DCC: variants seen among roughly 807,000 people sequenced by gnomAD.
DCC encodes netrin receptor DCC.
In DCC, 58 loss-of-function variants were observed where a neutral mutation model predicts 172.5. The observed-to-expected ratio is 0.34, with a 90% CI of 0.27 to 0.42. The LOEUF is 0.42. DCC is among the 10% of genes least tolerant of loss of function. The pLI is 1.00. For synonymous variants in DCC, 709 were observed against 644.5 expected (o/e 1.10, Z -1.52); for missense variants, 1,740 against 1,791.0 (o/e 0.97, Z 0.51).
At chr18:53,217,697 A>C (rs4245258) in intron 12 of DCC, among the ~76,000 whole-genome samples, 131,742 of 152,102 alleles carry the variant, frequency 0.87, 57,272 homozygotes, top group Admixed American at 0.92. Flanking sequence ...TTTGTGTTTT[A>C]TTTGAAATAG....
intron 1 of DCC, among the ~76,000 whole-genome samples, chr18:52,504,280 T>A (rs1433242980): frequency 1.3e-5 from 2 of 152,160 alleles, no homozygotes; most frequent in Non-Finnish European, 2.9e-5. Flanking sequence ...GTTCTACTTT[T>A]AGCATCATGG....
At chr18:52,949,264 C>T (rs182348055) in intron 5 of DCC, among the ~76,000 whole-genome samples, 166 of 151,490 alleles carry the variant, frequency 1.1e-3, no homozygotes, top group African/African-American at 3.7e-3. Flanking sequence ...CTCACATAAG[C>T]CTAGAAGAGT....
chr18:52,933,930 A>C (rs2040345788), intron 5 of DCC, among the ~76,000 whole-genome samples: 1 of 152,048 alleles, frequency 6.6e-6, no homozygotes, highest in South Asian at 2.1e-4. Flanking sequence ...TGAAAAGTAG[A>C]GGAGAGAGAT....
chr18:53,013,062 C>T (rs765025232), intron 5 of DCC, among the ~76,000 whole-genome samples: 22 of 152,216 alleles, frequency 1.4e-4, no homozygotes, highest in Middle Eastern at 3.4e-3. Context: ...ATTAAAAAGT[C>T]TGTAAATAAC....
intron 2 of DCC, among the ~76,000 whole-genome samples, chr18:52,807,271 C>A (rs59605492): frequency 6.6e-6 from 1 of 152,154 alleles, no homozygotes; most frequent in East Asian, 1.9e-4. Context: ...AGACGCACTG[C>A]GCCTCCTGCC....
intron 3 of DCC, among the ~76,000 whole-genome samples, chr18:52,907,632 TCTCAAA>T (rs776286621): frequency 4.7e-4 from 71 of 152,078 alleles, no homozygotes; most frequent in Non-Finnish European, 8.8e-4. Flanking sequence ...CCCAGGCTGG[TCTCAAA>T]CTCCTGGGCT....
intron 13 of DCC, among the ~76,000 whole-genome samples, chr18:53,318,968 A>G (rs903970493): frequency 2.0e-5 from 3 of 152,160 alleles, no homozygotes; most frequent in Non-Finnish European, 1.5e-5. Context: ...CAACATTCTT[A>G]AGGAAAAGAA....
intron 8 of DCC, among the ~76,000 whole-genome samples, chr18:53,174,410 C>A (rs1307722471): frequency 1.3e-5 from 2 of 151,152 alleles, no homozygotes; most frequent in Non-Finnish European, 2.9e-5. Flanking sequence ...AAGGATCAAC[C>A]AAACTGATAG....
intron 2 of DCC, among the ~76,000 whole-genome samples, chr18:52,806,640 T>C (rs937734312): frequency 1.3e-5 from 2 of 152,158 alleles, no homozygotes; most frequent in African/African-American, 4.8e-5. Context: ...AGAGGAATAT[T>C]TGTCTTTTCT....
At chr18:52,705,292 C>T (rs929201091) in intron 1 of DCC, among the ~76,000 whole-genome samples, 6 of 152,102 alleles carry the variant, frequency 3.9e-5, no homozygotes, top group African/African-American at 1.4e-4. Context: ...AAGGTGGCAG[C>T]AACCCCAAAA....
Position 53,207,837 on chromosome 18 carries a change from A to G in DCC, c.1861+20A>G. ...CTGACGGTAAGTTAAAAACAGTGAAACTCCTTTTACATATTTGACATAATA... is the reference window on the plus strand; with the variant it reads ...CTGACGGTAAGTTAAAAACAGTGAAGCTCCTTTTACATATTTGACATAATA... On this transcript the variant is annotated intron_variant, in intron 11 of 28. Transcript: ENST00000442544. The G allele has an allele frequency of 6.3e-7, 1 of 1,584,782 alleles. No individual in the cohort carries two copies. The highest frequency in any genetic ancestry group is 2.2e-5 in the East Asian group (1 of 44,728).
chr18:52,833,218 C>T (rs12604857), intron 2 of DCC, among the ~76,000 whole-genome samples: 32,492 of 152,026 alleles, frequency 0.21, 3,929 homozygotes, highest in African/African-American at 0.34. Context: ...GTTAGGGCCA[C>T]ATTTTCAATA....
chr18:52,800,071 CTTTTA>C (rs2145224902), intron 2 of DCC, among the ~76,000 whole-genome samples: 1 of 152,254 alleles, frequency 6.6e-6, no homozygotes, highest in East Asian at 1.9e-4. Context: ...CTAAATTATA[CTTTTA>C]TTATGATAAA....
At chr18:53,101,676 A>C (rs568042785) in intron 7 of DCC, among the ~76,000 whole-genome samples, 1 of 152,070 alleles carries the variant, frequency 6.6e-6, no homozygotes, top group African/African-American at 2.4e-5. Flanking sequence ...TTCTACAGCC[A>C]TTCTCCCAGG....
intron 12 of DCC, among the ~76,000 whole-genome samples, chr18:53,241,740 C>A (rs2056297937): frequency 6.6e-6 from 1 of 152,134 alleles, no homozygotes. Flanking sequence ...CTGCAACTTC[C>A]TTTGGAGGTT....
intron 5 of DCC, among the ~76,000 whole-genome samples, chr18:53,022,328 G>A (rs1348805205): frequency 1.3e-5 from 2 of 152,140 alleles, no homozygotes; most frequent in Middle Eastern, 3.4e-3. Flanking sequence ...TCTCTGTGGA[G>A]TTGGGCCGGT....
chr18:52,371,794 A>G (rs1470632391), intron 1 of DCC, among the ~76,000 whole-genome samples: 1 of 152,208 alleles, frequency 6.6e-6, no homozygotes, highest in Admixed American at 6.5e-5. Context: ...TTTTGGACCT[A>G]ATGGAGTTTC....
intron 1 of DCC, among the ~76,000 whole-genome samples, chr18:52,474,895 G>T (rs1989051010): frequency 6.6e-6 from 1 of 152,136 alleles, no homozygotes; most frequent in Non-Finnish European, 1.5e-5. Flanking sequence ...TTGTTCAATG[G>T]ACTTTACCAT....
rs73460729 is a variant in DCC, at chr18:52,989,779, A to T, written c.985+64409A>T. Among the ~76,000 whole-genome samples the T allele has an allele frequency of 4.6e-5, 7 of 152,286 alleles. No individual in the cohort carries two copies. The East Asian group carries it at 1.4e-3, about 29-fold the overall frequency. On this transcript the variant is annotated intron_variant, in intron 5 of 28. Transcript: ENST00000442544. ...AATTCTCCATCAGTTAATAAATTAG[A>T]TGATGAAACTAATTCTGACTGCTAC... is the stretch of plus-strand genomic sequence containing the variant.
Sources: allele counts gnomAD v4.1 joint callset (sites outside exome capture counted in the v4.1 genomes callset), GRCh38; gene constraint gnomAD v4.1.1; transcripts MANE v1.5; gene names NCBI Gene and HGNC (gene_info 2026-07-23, HGNC 2026-07-21).